TRAK1: variants seen among roughly 807,000 people sequenced by gnomAD.
The protein encoded by TRAK1 is trafficking kinesin protein 1.
TRAK1 carries 33 observed loss-of-function variants against 92.1 expected under a neutral mutation model. That is an observed-to-expected ratio of 0.36 (90% CI 0.27 to 0.48). The LOEUF is 0.48. Ranked by LOEUF, TRAK1 falls within the 20% of genes least tolerant of loss-of-function variation. The pLI, the probability that TRAK1 is intolerant of heterozygous loss-of-function variation, is 0.99. For synonymous variants in TRAK1, 521 were observed against 517.3 expected, an observed-to-expected ratio of 1.01 and a Z score of -0.10; for missense variants, 1,123 against 1,257.9, an observed-to-expected ratio of 0.89 and a Z score of 1.62.
chr3:42,049,865 A>G lies in TRAK1; in HGVS notation c.-519+35748A>G, dbSNP rs114573885. Among the ~76,000 whole-genome samples the G allele has an allele frequency of 5.6e-3, 849 of 152,100 alleles. 12 individuals are homozygous for G. The highest frequency in any genetic ancestry group is 0.02 in the African/African-American group (818 of 41,492). On this transcript the variant is annotated intron_variant, in intron 1 of 16. Coordinates refer to the TRAK1 transcript ENST00000487159. ...ATTTTTGGAAGTTTTCTTCTGTTCT[A>G]TGCATCGTCTCTGTTTCCTGGCTTC...
chr3:42,109,379 C>A (rs190603755), intron 1 of TRAK1, among the ~76,000 whole-genome samples: 2 of 152,336 alleles, frequency 1.3e-5, no homozygotes, highest in Admixed American at 6.5e-5. Context: ...CCTAGGCACA[C>A]TGCCTGTGAA....
At chr3:42,158,491 A>G (rs752530681) in intron 2 of TRAK1, among the ~76,000 whole-genome samples, 1 of 151,474 alleles carries the variant, frequency 6.6e-6, no homozygotes, top group Non-Finnish European at 1.5e-5. Flanking sequence ...TTAAATAAGT[A>G]TTTTTTGAGT....
At chr3:42,045,994 A>G (rs1292544049) in intron 1 of TRAK1, among the ~76,000 whole-genome samples, 1 of 152,214 alleles carries the variant, frequency 6.6e-6, no homozygotes, top group Non-Finnish European at 1.5e-5. Flanking sequence ...AAATCTGTTT[A>G]TTTGAGCTTT....
At position 42,196,312 on chromosome 3, in the gene TRAK1, G is replaced by A. The variant is rs377703645; in HGVS notation, c.1113+1371G>A. Reference sequence around the variant, plus strand: ...TAATCGCTGAATAAAACAGTGAGTAGCAGTTTTTGCACAACTATGTTCCCA... The same window carrying A: ...TAATCGCTGAATAAAACAGTGAGTAACAGTTTTTGCACAACTATGTTCCCA... On this transcript the variant is annotated intron_variant, in intron 10 of 15. Coordinates refer to ENST00000327628, the MANE Select transcript of TRAK1 (RefSeq NM_001042646.3). 7.2e-5 allele frequency among the ~76,000 whole-genome samples: 11 copies of A among 152,298 alleles called. No homozygotes were observed. The South Asian group carries it at 1.0e-3, about 14-fold the overall frequency.
intron 2 of TRAK1, among the ~76,000 whole-genome samples, chr3:42,164,878 G>T (rs1343243189): frequency 6.6e-6 from 1 of 152,206 alleles, no homozygotes; most frequent in African/African-American, 2.4e-5. Context: ...CTGTCTCAGT[G>T]CCTGGGCAGC....
chr3:42,145,059 T>C (rs533691173), intron 2 of TRAK1, among the ~76,000 whole-genome samples: 1 of 152,352 alleles, frequency 6.6e-6, no homozygotes, highest in East Asian at 1.9e-4. Flanking sequence ...TCTTGCAGTC[T>C]GTAAGCAAGA....
chr3:42,094,316 T>C (rs1705575106), intron 1 of TRAK1, among the ~76,000 whole-genome samples: 1 of 152,166 alleles, frequency 6.6e-6, no homozygotes, highest in Admixed American at 6.5e-5. Context: ...TGAGCCCTGA[T>C]CTCTCATAAA....
intron 1 of TRAK1, among the ~76,000 whole-genome samples, chr3:42,052,333 G>A (rs941907826): frequency 6.6e-6 from 1 of 152,178 alleles, no homozygotes; most frequent in Non-Finnish European, 1.5e-5. Flanking sequence ...AGGCATGGGG[G>A]CCCAGCAATC....
intron 1 of TRAK1, among the ~76,000 whole-genome samples, chr3:42,121,510 T>C (rs1053211674): frequency 7.2e-5 from 11 of 151,818 alleles, no homozygotes; most frequent in East Asian, 2.0e-4. Context: ...CCGCCCGCCT[T>C]GGCCTCCCAA....
At chr3:42,032,369 A>C (rs1019401681) in intron 1 of TRAK1, among the ~76,000 whole-genome samples, 3 of 152,052 alleles carry the variant, frequency 2.0e-5, no homozygotes, top group Non-Finnish European at 4.4e-5. Flanking sequence ...TCCTCTGTGC[A>C]GTGCAGCGAG....
chr3:42,190,935 G>A (rs534696750), intron 6 of TRAK1, among the ~76,000 whole-genome samples: 2 of 152,118 alleles, frequency 1.3e-5, no homozygotes, highest in South Asian at 4.2e-4. Context: ...GCCTGGTCTC[G>A]GGGCTTCTTC....
chr3:42,042,359 ATTATTATTATT>A (rs1702580089), intron 1 of TRAK1, among the ~76,000 whole-genome samples: 1 of 151,792 alleles, frequency 6.6e-6, no homozygotes, highest in South Asian at 2.1e-4. Flanking sequence ...TGATTTTTAG[ATTATTATTATT>A]TTATTATTAT....
intron 1 of TRAK1, among the ~76,000 whole-genome samples, chr3:42,121,677 C>T (rs1407553313): frequency 1.3e-5 from 2 of 152,156 alleles, no homozygotes; most frequent in African/African-American, 2.4e-5. Flanking sequence ...GGGCTTTTGG[C>T]CTTGTGGCCA....
At chr3:42,217,273 A>G (rs1428721078) in intron 14 of TRAK1, 3 of 985,162 alleles carry the variant, frequency 3.0e-6, no homozygotes, top group Non-Finnish European at 2.4e-6. Flanking sequence ...CCTGGCAGTC[A>G]GTGGTGACAT....
At chr3:42,066,450 C>A (rs1458301234) in intron 1 of TRAK1, among the ~76,000 whole-genome samples, 2 of 151,988 alleles carry the variant, frequency 1.3e-5, no homozygotes, top group African/African-American at 4.8e-5. Flanking sequence ...AGAGAGCACC[C>A]AGCGTGGGAA....
chr3:42,092,772 T>TG (rs1559754457), intron 1 of TRAK1, among the ~76,000 whole-genome samples: 2 of 151,842 alleles, frequency 1.3e-5, no homozygotes, highest in South Asian at 2.1e-4. Context: ...TGTTATGTTA[T>TG]TTCGTGACTC....
rs552723223 is a variant in TRAK1, at chr3:42,172,873, C to T, written c.287-3941C>T. Among the ~76,000 whole-genome samples the T allele has an allele frequency of 5.3e-5, 8 of 152,284 alleles. No homozygotes were observed. The East Asian group carries it at 9.7e-4, about 18-fold the overall frequency. ...ATTAAATTATCATAGAGACTGAGCA[C>T]GGTGGGTCATGCCTGTAATGCCAGC... On this transcript the variant is annotated intron_variant, in intron 2 of 15. Transcript: ENST00000327628.
chr3:42,168,226 C>G (rs1702111440), intron 2 of TRAK1, among the ~76,000 whole-genome samples: 1 of 152,126 alleles, frequency 6.6e-6, no homozygotes, highest in Admixed American at 6.5e-5. Context: ...GTGCTAGTTT[C>G]TTAGTGGGTG....
At chr3:42,023,744 GTTTTTTTTTTTTTTT>G (rs780080581) in intron 1 of TRAK1, among the ~76,000 whole-genome samples, 1 of 99,054 alleles carries the variant, frequency 1.0e-5, no homozygotes, top group African/African-American at 4.5e-5. Flanking sequence ...GCTCGTGAGG[GTTTTTTTTTTTTTTT>G]TTTTTTTTTT....
Sources: gnomAD v4.1 joint callset for allele counts (sites outside exome capture counted in the v4.1 genomes callset) on GRCh38, gnomAD v4.1.1 for gene constraint, MANE v1.5 for transcripts, NCBI Gene and HGNC (gene_info 2026-07-23, HGNC 2026-07-21) for gene names.